KCNIP3: variants seen among roughly 807,000 people sequenced by gnomAD.
KCNIP3 encodes the protein calsenilin.
Under a neutral mutation model 35.0 loss-of-function variants are expected in KCNIP3, and 28 were observed. The ratio of observed to expected loss-of-function variants is 0.80; its 90% CI spans 0.59 to 1.10. KCNIP3 has a LOEUF of 1.10. Among genes scored for constraint, KCNIP3 ranks in the 50% least tolerant of loss-of-function variants. KCNIP3 has a pLI of 0.00. For synonymous variants in KCNIP3, 134 were observed against 133.8 expected, an observed-to-expected ratio of 1.00 and a Z score of -0.01; for missense variants, 295 against 338.4, an observed-to-expected ratio of 0.87 and a Z score of 1.01.
intron 1 of KCNIP3, among the ~76,000 whole-genome samples, chr2:95,302,087 C>T (rs537600406): frequency 6.6e-6 from 1 of 152,142 alleles, no homozygotes; most frequent in African/African-American, 2.4e-5. Flanking sequence ...ACACAACGCC[C>T]ACCACTGCTT....
intron 2 of KCNIP3, among the ~76,000 whole-genome samples, chr2:95,326,845 C>A (rs947129072): frequency 6.6e-6 from 1 of 152,220 alleles, no homozygotes; most frequent in South Asian, 2.1e-4. Context: ...CCCCAGTAGG[C>A]CTCCGCCTGG....
intron 2 of KCNIP3, chr2:95,313,257 G>A (rs1207064637): frequency 6.6e-6 from 1 of 152,290 alleles, no homozygotes; most frequent in Non-Finnish European, 1.5e-5. Context: ...CTGGAGGCTT[G>A]GGTGAGGTAG....
In KCNIP3 at chr2:95,313,291, A is replaced by AC. The variant is rs1408777122; in HGVS notation, c.181+2774dup. Reference sequence around the variant, plus strand: ...AGAACGTCGGCAAGGAGTGGACAGGACCCAGGGTCCTGGAGACAGTGGGCA... The same window carrying AC: ...AGAACGTCGGCAAGGAGTGGACAGGACCCCAGGGTCCTGGAGACAGTGGGCA... On this transcript the variant is annotated intron_variant, in intron 2 of 8. Coordinates refer to ENST00000295225, the MANE Select transcript of KCNIP3 (RefSeq NM_013434.5). 2.0e-5 allele frequency: 3 copies of AC among 152,174 alleles called. No individual in the cohort carries two copies. In the East Asian group the frequency reaches 5.8e-4, roughly 29 times the overall value. 9.4% of individuals were successfully genotyped at this position (152,174 alleles called of 1,614,324 possible). A position where few individuals can be genotyped will look rare whatever the true frequency, so the allele number is the denominator to read the frequency against.
chr2:95,341,023 C>A (rs1285310866), intron 2 of KCNIP3, among the ~76,000 whole-genome samples: 1 of 152,138 alleles, frequency 6.6e-6, no homozygotes, highest in Non-Finnish European at 1.5e-5. Context: ...TCTGTGCGGC[C>A]CCTGGGGGTC....
At chr2:95,373,624 G>A (rs1216569867) in intron 2 of KCNIP3, among the ~76,000 whole-genome samples, 4 of 151,962 alleles carry the variant, frequency 2.6e-5, no homozygotes, top group South Asian at 2.1e-4. Flanking sequence ...GGGTTTCACC[G>A]TGTTAGCCAG....
rs1679039998 is a variant in KCNIP3 at position 95,335,515 on chromosome 2, G to T, written c.181+24995G>T. On this transcript the variant is annotated intron_variant, in intron 2 of 8. Coordinates refer to ENST00000295225, the MANE Select transcript of KCNIP3 (RefSeq NM_013434.5). ...TGTTTTTCTTCTGGATGCTTTTAAGGTTTTCTCTTTACCTCTAATTTTCAG... is the reference window on the plus strand; with the variant it reads ...TGTTTTTCTTCTGGATGCTTTTAAGTTTTTCTCTTTACCTCTAATTTTCAG... Among the ~76,000 whole-genome samples the T allele has an allele frequency of 2.0e-5, 3 of 152,014 alleles. No homozygotes were observed. The South Asian group carries it at 6.2e-4, about 32-fold the overall frequency.
chr2:95,323,769 C>T lies in KCNIP3; in HGVS notation c.181+13249C>T, dbSNP rs187639472. 1.1e-4 allele frequency among the ~76,000 whole-genome samples: 17 copies of T among 152,100 alleles called. No individual in the cohort carries two copies. The East Asian group carries it at 3.1e-3, about 28-fold the overall frequency. ...CCCCGGACAGGCTGGGAACCTCTCC[C>T]TAGCAGCCCCTGCCCTGGTCCCTAG... is the stretch of plus-strand genomic sequence containing the variant. On this transcript the variant is annotated intron_variant, in intron 2 of 8. Transcript: ENST00000295225.
intron 2 of KCNIP3, among the ~76,000 whole-genome samples, chr2:95,364,947 A>T (rs1679883996): frequency 6.6e-6 from 1 of 152,086 alleles, no homozygotes; most frequent in Non-Finnish European, 1.5e-5. Flanking sequence ...TTAGCTGGTT[A>T]TAGTGGTGTG....
In KCNIP3 at chr2:95,382,356, C is replaced by T. The variant is rs1680369409; in HGVS notation, c.556-21C>T. ...AGCCACCCCGGCCTTGCAGCAGGCT[C>T]ATGCCAGCCTCCCCCTCCAGGAGAT... On this transcript the variant is annotated intron_variant, in intron 6 of 8. Transcript: ENST00000295225. This position sits in a 1 kb window ranked among gnomAD's most constrained non-coding sequence, Gnocchi z 4.5. 1 of 1,530,566 alleles carries T rather than the reference C, an allele frequency of 6.5e-7. No homozygotes were observed. Among genetic ancestry groups the T allele is most frequent in the Non-Finnish European group, 8.9e-7 (1 of 1,129,738 alleles). The allele number at this position is 1,530,566 out of a possible 1,614,324, so 94.8% of individuals were successfully genotyped here.
chr2:95,383,676 G>A (rs367913994), intron 8 of KCNIP3, among the ~76,000 whole-genome samples: 30 of 152,352 alleles, frequency 2.0e-4, no homozygotes, highest in African/African-American at 7.0e-4. Flanking sequence ...GGGGCAGGAT[G>A]CTGGGCCTCC....
intron 2 of KCNIP3, chr2:95,346,939 G>T: frequency 1.1e-6 from 1 of 918,088 alleles, no homozygotes; most frequent in Non-Finnish European, 1.5e-6. Context: ...CGTGCGGGCT[G>T]CAGGGGCCCC....
rs893588138 is a variant in KCNIP3 at position 95,378,296 on chromosome 2, T to A, written c.447+3088T>A. On this transcript the variant is annotated intron_variant, in intron 5 of 8. Transcript: ENST00000295225. This position sits in a 1 kb window ranked among gnomAD's most constrained non-coding sequence, Gnocchi z 4.0. ...TGCCACCATGCCCAGCTAATTTTTT[T>A]ATTTTAATTGTTGTAGATGCAAGGT... is the stretch of plus-strand genomic sequence containing the variant. Among the ~76,000 whole-genome samples, 5 of 152,114 alleles carry A rather than the reference T, an allele frequency of 3.3e-5. No individual in the cohort carries two copies. Among genetic ancestry groups the A allele is most frequent in the African/African-American group, 7.2e-5 (3 of 41,418 alleles).
chr2:95,325,818 CAT>C (rs1488014684), intron 2 of KCNIP3, among the ~76,000 whole-genome samples: 2 of 149,204 alleles, frequency 1.3e-5, no homozygotes, highest in Non-Finnish European at 1.5e-5. Flanking sequence ...CTCATACACA[CAT>C]ACACATACAC....
At chr2:95,374,826 AG>A (rs761876910) in intron 3 of KCNIP3, 21 bp from the exon 4 acceptor site, 1 of 1,612,212 alleles carries the variant, frequency 6.2e-7, no homozygotes, top group East Asian at 2.2e-5. Flanking sequence ...CCGAGGGCTG[AG>A]GGGGTGCCTT....
At chr2:95,353,480 C>G (rs1394328730) in intron 2 of KCNIP3, among the ~76,000 whole-genome samples, 1 of 152,188 alleles carries the variant, frequency 6.6e-6, no homozygotes, top group Non-Finnish European at 1.5e-5. Context: ...GGTTTCCCTC[C>G]GTTCCAGCCC....
intron 1 of KCNIP3, chr2:95,310,078 A>G (rs978459745): frequency 1.8e-6 from 1 of 561,098 alleles, no homozygotes; most frequent in Admixed American, 2.3e-5. Context: ...CCAATGAGTA[A>G]GTCTGGGATC....
At chr2:95,330,194 G>GT (rs1678891128) in intron 2 of KCNIP3, among the ~76,000 whole-genome samples, 1 of 152,212 alleles carries the variant, frequency 6.6e-6, no homozygotes, top group East Asian at 1.9e-4. Flanking sequence ...ACTGGGCAGG[G>GT]AGGGGCAGGG....
In KCNIP3 at chr2:95,374,936, A is replaced by C. The variant is rs768718541; in HGVS notation, c.376+19A>C. The stretch of plus-strand genomic sequence containing the variant: ...CAGGGAGGTGAGTCTGAGGCAGGGC[A>C]GCCCTGCTGTGTCCCAGTGTGGAGG... On this transcript the variant is annotated intron_variant, in intron 4 of 8. Transcript: ENST00000295225. 4.3e-6 allele frequency: 7 copies of C among 1,612,652 alleles called. No individual in the cohort carries two copies. The highest frequency in any genetic ancestry group is 1.6e-4 in the Middle Eastern group (1 of 6,080).
In KCNIP3 at chr2:95,324,063, C is replaced by T. The variant is rs367669155; in HGVS notation, c.181+13543C>T. Among the ~76,000 whole-genome samples the T allele has an allele frequency of 1.4e-4, 22 of 152,340 alleles. No individual in the cohort carries two copies. The East Asian group carries it at 1.7e-3, about 12-fold the overall frequency. On this transcript the variant is annotated intron_variant, in intron 2 of 8. Coordinates refer to ENST00000295225, the MANE Select transcript of KCNIP3 (RefSeq NM_013434.5). ...GGAATCCCCACCCACGCAGATAGAC[C>T]GGGGCTCCCCACCTCCCCTCCGTGG... is the stretch of plus-strand genomic sequence containing the variant.
Sources: allele counts gnomAD v4.1 joint callset (sites outside exome capture counted in the v4.1 genomes callset), GRCh38; gene constraint gnomAD v4.1.1; non-coding constraint Gnocchi (gnomAD v3.1); transcripts MANE v1.5; gene names NCBI Gene and HGNC (gene_info 2026-07-23, HGNC 2026-07-21).